Variants in GRID2 observed in about 807,000 individuals in gnomAD.
GRID2 encodes the protein glutamate ionotropic receptor delta type subunit 2, also known as glutamate receptor ionotropic, delta-2.
GRID2 carries 33 observed loss-of-function variants against 114.8 expected under a neutral mutation model. The observed-to-expected ratio is 0.29, with a 90% confidence interval of 0.22 to 0.38. The LOEUF is 0.38. Among genes scored for constraint, GRID2 ranks in the 10% least tolerant of loss-of-function variants. The pLI is 1.00. For missense variants in GRID2, 1,184 were observed against 1,257.7 expected (o/e 0.94, Z 0.89); for synonymous variants, 505 against 449.9 (o/e 1.12, Z -1.55).
chr4:92,681,596 T>C (rs545323844), intron 2 of GRID2, among the ~76,000 whole-genome samples: 64 of 152,018 alleles, frequency 4.2e-4, no homozygotes, highest in African/African-American at 1.4e-3. Flanking sequence ...TGTTAAATGA[T>C]GAGTTAATGG....
rs1309510331 is a variant in GRID2, at chr4:93,108,697, C to T, written c.530-2051C>T. Among the ~76,000 whole-genome samples, 8 of 149,170 alleles carry T rather than the reference C, an allele frequency of 5.4e-5. 1 individual carries two copies. In the Admixed American group the frequency reaches 5.4e-4, roughly 10 times the overall value. On this transcript the variant is annotated intron_variant, in intron 3 of 15. Coordinates refer to ENST00000282020, the MANE Select transcript of GRID2 (RefSeq NM_001510.4). ...CCAGGCTGGAGTGCAGTGGCATGAT[C>T]TCGGTTCACTGCAACCTCCACCTCC...
intron 9 of GRID2, among the ~76,000 whole-genome samples, chr4:93,399,665 C>G (rs1765692438): frequency 3.3e-5 from 5 of 152,130 alleles, no homozygotes; most frequent in Middle Eastern, 3.4e-3. Flanking sequence ...TAGTGAGCTA[C>G]AGTGCAGAAA....
intron 2 of GRID2, among the ~76,000 whole-genome samples, chr4:92,944,659 A>C (rs1751477212): frequency 6.6e-6 from 1 of 152,186 alleles, no homozygotes; most frequent in Non-Finnish European, 1.5e-5. Flanking sequence ...GCTCACTGGG[A>C]GCTGTAGACT....
At chr4:93,181,964 T>A (rs1232584531) in intron 4 of GRID2, among the ~76,000 whole-genome samples, 1 of 152,156 alleles carries the variant, frequency 6.6e-6, no homozygotes, top group Non-Finnish European at 1.5e-5. Flanking sequence ...GTCCATGAGA[T>A]TATCAAGAAG....
chr4:92,393,063 G>C (rs777197173), intron 1 of GRID2, among the ~76,000 whole-genome samples: 29 of 152,152 alleles, frequency 1.9e-4, no homozygotes, highest in Non-Finnish European at 3.7e-4. Flanking sequence ...CATGGGGGAA[G>C]GTTAAGTAGA....
intron 2 of GRID2, among the ~76,000 whole-genome samples, chr4:92,618,404 T>G (rs1204867200): frequency 1.3e-5 from 2 of 151,822 alleles, no homozygotes; most frequent in Non-Finnish European, 2.9e-5. Context: ...CTGTTTTGGT[T>G]ACTACAGCTT....
chr4:93,687,192 T>C (rs914197286), intron 14 of GRID2, among the ~76,000 whole-genome samples: 4 of 152,012 alleles, frequency 2.6e-5, no homozygotes, highest in African/African-American at 9.7e-5. Flanking sequence ...ATAAAGGATG[T>C]CTCTCAAATG....
At chr4:93,746,059 G>T (rs892945816) in intron 14 of GRID2, among the ~76,000 whole-genome samples, 1 of 152,030 alleles carries the variant, frequency 6.6e-6, no homozygotes, top group Non-Finnish European at 1.5e-5. Flanking sequence ...TTGTGTCAAA[G>T]GACCAAAAAT....
intron 2 of GRID2, among the ~76,000 whole-genome samples, chr4:92,661,685 T>C: frequency 6.6e-6 from 1 of 151,192 alleles, no homozygotes; most frequent in Middle Eastern, 3.4e-3. Flanking sequence ...GCCATTTAAA[T>C]TTTATTGTTA....
At chr4:93,758,591 T>C (rs1732955415) in intron 14 of GRID2, among the ~76,000 whole-genome samples, 1 of 152,208 alleles carries the variant, frequency 6.6e-6, no homozygotes, top group South Asian at 2.1e-4. Context: ...CTTAATCTTC[T>C]CTTTCCTAAG....
At chr4:93,261,240 C>CAA (rs1403612741) in intron 8 of GRID2, among the ~76,000 whole-genome samples, 3 of 151,974 alleles carry the variant, frequency 2.0e-5, no homozygotes, top group East Asian at 1.9e-4. Context: ...GTGTTTTTAA[C>CAA]AAGCAGTATC....
At chr4:93,796,857 C>T (rs1415614961) in intron 1 of GRID2, among the ~76,000 whole-genome samples, 3 of 152,044 alleles carry the variant, frequency 2.0e-5, no homozygotes, top group Admixed American at 6.6e-5. Flanking sequence ...GTCATGGGAA[C>T]GTACTTGTAA....
chr4:93,533,897 C>G (rs1731758447), intron 13 of GRID2, among the ~76,000 whole-genome samples: 1 of 152,022 alleles, frequency 6.6e-6, no homozygotes, highest in Non-Finnish European at 1.5e-5. Context: ...TTCATTGGCT[C>G]CCCACTCCAT....
intron 4 of GRID2, among the ~76,000 whole-genome samples, chr4:93,196,722 A>G (rs926647653): frequency 6.6e-6 from 1 of 152,174 alleles, no homozygotes; most frequent in African/African-American, 2.4e-5. Flanking sequence ...CTTAATTGCC[A>G]TGTTGCTTTA....
chr4:93,127,877 TGG>T (rs2149370743), intron 4 of GRID2, among the ~76,000 whole-genome samples: 2 of 151,042 alleles, frequency 1.3e-5, no homozygotes, highest in East Asian at 3.9e-4. Context: ...TTATAATAGC[TGG>T]GTATGGTGGT....
Position 93,255,337 on chromosome 4 carries a change from A to T in GRID2, c.1245+16847A>T, listed in dbSNP as rs1749456946. On this transcript the variant is annotated intron_variant, in intron 8 of 15. Coordinates refer to ENST00000282020, the MANE Select transcript of GRID2 (RefSeq NM_001510.4). ...AAAAAAACCTTTAGTTTGTTAAAAG[A>T]CTAGACTTCTAGTTAGGTATCTTTT... Among the ~76,000 whole-genome samples, 3 of 152,144 alleles carry T rather than the reference A, an allele frequency of 2.0e-5. No individual in the cohort carries two copies. The South Asian group carries it at 6.2e-4, about 31-fold the overall frequency.
chr4:93,624,025 T>C (rs1159933540), intron 13 of GRID2, among the ~76,000 whole-genome samples: 1 of 152,170 alleles, frequency 6.6e-6, no homozygotes, highest in Non-Finnish European at 1.5e-5. Flanking sequence ...TTGTTCAAGT[T>C]GTCTTCAGTC....
chr4:92,454,044 TA>T (rs1353111492), intron 1 of GRID2, among the ~76,000 whole-genome samples: 1 of 152,202 alleles, frequency 6.6e-6, no homozygotes, highest in Non-Finnish European at 1.5e-5. Context: ...TCTTAGTGTT[TA>T]AATAAACAGT....
intron 12 of GRID2, among the ~76,000 whole-genome samples, chr4:93,494,989 A>G (rs150313631): frequency 2.0e-4 from 31 of 151,920 alleles, no homozygotes; most frequent in Middle Eastern, 3.4e-3. Flanking sequence ...GAAAATAGCT[A>G]TGGGAAAATC....
Sources: allele counts gnomAD v4.1 joint callset (sites outside exome capture counted in the v4.1 genomes callset), GRCh38; gene constraint gnomAD v4.1.1; transcripts MANE v1.5; gene names NCBI Gene and HGNC (gene_info 2026-07-23, HGNC 2026-07-21).